The following BMPER variants were observed in gnomAD, a reference collection of about 807,000 sequenced individuals.
The protein encoded by BMPER is BMP binding endothelial regulator, also known as BMP-binding endothelial regulator protein.
A neutral mutation model predicts 87.3 loss-of-function variants in BMPER; 45 were observed. The ratio of observed to expected loss-of-function variants is 0.52; its 90% CI spans 0.41 to 0.66. The LOEUF (loss-of-function observed/expected upper bound fraction) is 0.66, where lower values mean the gene tolerates loss of function less well. BMPER is among the 30% of genes least tolerant of loss of function. BMPER has a pLI of 0.00. For missense variants in BMPER, 784 were observed against 867.5 expected (o/e 0.90, Z 1.21); for synonymous variants, 326 against 316.2 (o/e 1.03, Z -0.33).
chr7:34,147,565 G>A (rs952483518), intron 14 of BMPER, among the ~76,000 whole-genome samples: 2 of 152,108 alleles, frequency 1.3e-5, no homozygotes, highest in Non-Finnish European at 2.9e-5. Flanking sequence ...CCAACTCCTA[G>A]GTTCAAGTGA....
intron 6 of BMPER, among the ~76,000 whole-genome samples, chr7:34,024,348 ACT>A (rs1187585436): frequency 1.0e-5 from 1 of 97,266 alleles, no homozygotes; most frequent in Admixed American, 1.2e-4. Context: ...ACAGAGCGAA[ACT>A]CTGTCTCAAA....
chr7:33,966,516 C>CA lies in BMPER; in HGVS notation c.360dup (p.Trp121MetfsTer6). The CA allele has an allele frequency of 6.2e-7, 1 of 1,613,850 alleles. No homozygotes were observed. Among genetic ancestry groups the CA allele is most frequent in the Non-Finnish European group, 8.5e-7 (1 of 1,179,746 alleles). ...AAGGAAATACCTATAACAGCTCCTT[C>CA]AAATGGCAGAGCCCGGCTGAGCCTT... On this transcript the variant is annotated frameshift_variant, in exon 4 of 15. Coordinates refer to ENST00000649409, the MANE Select transcript of BMPER (RefSeq NM_001365308.1). LOFTEE classifies it high-confidence loss of function.
intron 12 of BMPER, among the ~76,000 whole-genome samples, chr7:34,083,893 C>T (rs1789122708): frequency 6.6e-6 from 1 of 151,454 alleles, no homozygotes; most frequent in African/African-American, 2.4e-5. Flanking sequence ...TAATCTTGAT[C>T]TTTCAGGAAC....
chr7:34,129,577 G>GGA (rs759886152), intron 13 of BMPER, among the ~76,000 whole-genome samples: 2,970 of 47,764 alleles, frequency 0.062, 101 homozygotes, highest in Admixed American at 0.11. Context: ...AAGGAAGGAA[G>GGA]GAGAGAGAGA....
rs538858543 is a variant in BMPER at position 33,991,894 on chromosome 7, C to T, written c.576+17110C>T. Among the ~76,000 whole-genome samples, 53 of 141,344 alleles carry T rather than the reference C, an allele frequency of 3.7e-4. 1 individual carries two copies. The East Asian group carries it at 9.0e-3, about 24-fold the overall frequency. The allele number at this position is 141,344 out of a possible 152,430, so 92.7% of individuals were successfully genotyped here. ...TATGTACCCAGTAGTCATTCAGGAG[C>T]AGGTTGTTCAGTTTCCATGTAGTTG... On this transcript the variant is annotated intron_variant, in intron 6 of 14. Coordinates refer to ENST00000649409, the MANE Select transcript of BMPER (RefSeq NM_001365308.1).
At chr7:33,944,562 T>C (rs764535372) in intron 3 of BMPER, among the ~76,000 whole-genome samples, 10 of 152,176 alleles carry the variant, frequency 6.6e-5, no homozygotes, top group South Asian at 2.1e-4. Flanking sequence ...AAATTATTAA[T>C]TTTTTTGTTT....
At chr7:34,004,843 A>C (rs1438833785) in intron 6 of BMPER, among the ~76,000 whole-genome samples, 1 of 152,102 alleles carries the variant, frequency 6.6e-6, no homozygotes, top group Non-Finnish European at 1.5e-5. Flanking sequence ...CAGAGCCTCA[A>C]GGTTAGCCAG....
At chr7:33,913,478 T>G (rs1040903996) in intron 2 of BMPER, among the ~76,000 whole-genome samples, 1 of 152,120 alleles carries the variant, frequency 6.6e-6, no homozygotes, top group Non-Finnish European at 1.5e-5. Flanking sequence ...GACAACAGAC[T>G]GCAGCGATGT....
In BMPER at chr7:34,130,182, TTCTGTC is replaced by T. The variant is rs1014876172; in HGVS notation, c.1746-13044_1746-13039del. ...GCAAAATGTGTTCAAGTCTTCTTGA[TTCTGTC>T]TCTCTCTCTCTCTCTCTCTCTCTGT... On this transcript the variant is annotated intron_variant, in intron 13 of 14. Transcript: ENST00000649409. Among the ~76,000 whole-genome samples, 4 of 73,274 alleles carry T rather than the reference TTCTGTC, an allele frequency of 5.5e-5. No individual in the cohort carries two copies. The Admixed American group carries it at 6.9e-4, about 13-fold the overall frequency. 48.1% of individuals were successfully genotyped at this position (73,274 alleles called of 152,430 possible).
chr7:33,908,142 AAAG>A (rs1440169247), intron 2 of BMPER, among the ~76,000 whole-genome samples: 2 of 152,228 alleles, frequency 1.3e-5, no homozygotes, highest in African/African-American at 4.8e-5. Flanking sequence ...AATTTGTTGA[AAAG>A]AAGCTTTCAG....
At chr7:34,090,677 G>A (rs979772969) in intron 13 of BMPER, among the ~76,000 whole-genome samples, 5 of 152,108 alleles carry the variant, frequency 3.3e-5, no homozygotes, top group African/African-American at 1.2e-4. Context: ...TCCCTAACTC[G>A]ACTCACATCT....
chr7:34,063,379 ATGTGTGTGTGTGTG>A (rs10537332), intron 11 of BMPER, among the ~76,000 whole-genome samples: 1 of 148,956 alleles, frequency 6.7e-6, no homozygotes, highest in Non-Finnish European at 1.5e-5. Context: ...GGGTCACTAT[ATGTGTGTGTGTGTG>A]TGTGTGTGTG....
intron 6 of BMPER, among the ~76,000 whole-genome samples, chr7:34,037,533 C>T (rs1428981009): frequency 6.6e-6 from 1 of 152,156 alleles, no homozygotes; most frequent in East Asian, 1.9e-4. Context: ...TCTAGCTGAC[C>T]ATGAGAGGAC....
chr7:33,989,185 C>T (rs988111803), intron 6 of BMPER, among the ~76,000 whole-genome samples: 4 of 137,134 alleles, frequency 2.9e-5, no homozygotes, highest in Non-Finnish European at 4.6e-5. Flanking sequence ...CCTGAGGAAT[C>T]GCCACACTGA....
rs1007348607 is a variant in BMPER, at chr7:33,947,927, T to A, written c.319+10539T>A. Among the ~76,000 whole-genome samples, 5 of 152,102 alleles carry A rather than the reference T, an allele frequency of 3.3e-5. No homozygotes were observed. In the South Asian group the frequency reaches 6.2e-4, roughly 19 times the overall value. The stretch of plus-strand genomic sequence containing the variant: ...CTTACCATATATAGAAACAAACATT[T>A]AAAAAAACTCTTATATGAAAATAAC... On this transcript the variant is annotated intron_variant, in intron 3 of 14. Transcript: ENST00000649409.
rs143532690 is a variant in BMPER at position 34,107,239 on chromosome 7, G to A, written c.1745+21147G>A. Among the ~76,000 whole-genome samples the A allele has an allele frequency of 7.7e-3, 1,172 of 152,328 alleles. 11 individuals are homozygous for A. The highest frequency in any genetic ancestry group is 0.026 in the African/African-American group (1,075 of 41,574). On this transcript the variant is annotated intron_variant, in intron 13 of 14. Coordinates refer to ENST00000649409, the MANE Select transcript of BMPER (RefSeq NM_001365308.1). The stretch of plus-strand genomic sequence containing the variant: ...CAGTAGTTGATTTAATGCAGGAGAA[G>A]TTAATCAGAATTAGAATAAATCTTT...
chr7:34,036,660 G>A (rs1016174076), intron 6 of BMPER, among the ~76,000 whole-genome samples: 1 of 152,090 alleles, frequency 6.6e-6, no homozygotes, highest in Non-Finnish European at 1.5e-5. Flanking sequence ...GGTTCCCAGG[G>A]CATTTGTTTA....
chr7:33,944,223 T>C (rs1255658711), intron 3 of BMPER, among the ~76,000 whole-genome samples: 1 of 152,164 alleles, frequency 6.6e-6, no homozygotes, highest in African/African-American at 2.4e-5. Context: ...TGGAGTGCAG[T>C]AGTGTGATCT....
chr7:33,946,051 A>T (rs1314032480), intron 3 of BMPER, among the ~76,000 whole-genome samples: 1 of 152,200 alleles, frequency 6.6e-6, no homozygotes, highest in Non-Finnish European at 1.5e-5. Flanking sequence ...GGTAACTTAT[A>T]AAGAAAAGAG....
Sources: allele counts gnomAD v4.1 joint callset (sites outside exome capture counted in the v4.1 genomes callset), GRCh38; gene constraint gnomAD v4.1.1; transcripts MANE v1.5; gene names NCBI Gene and HGNC (gene_info 2026-07-23, HGNC 2026-07-21).